NTRK2: variants seen among roughly 807,000 people sequenced by gnomAD.
NTRK2 encodes the protein BDNF/NT-3 growth factors receptor.
NTRK2 carries 13 observed loss-of-function variants against 94.5 expected under a neutral mutation model. The observed-to-expected ratio is 0.14, with a 90% CI of 0.09 to 0.22. The LOEUF is 0.22. Ranked by LOEUF, NTRK2 falls within the 10% of genes least tolerant of loss-of-function variation. NTRK2 has a pLI of 1.00. For synonymous variants in NTRK2, 372 were observed against 407.4 expected, an observed-to-expected ratio of 0.91 and a Z score of 1.05; for missense variants, 639 against 1,071.2, an observed-to-expected ratio of 0.60 and a Z score of 5.63.
intron 9 of NTRK2, among the ~76,000 whole-genome samples, chr9:84,731,210 A>G (rs2062868258): frequency 6.6e-6 from 1 of 152,174 alleles, no homozygotes; most frequent in Admixed American, 6.5e-5. Flanking sequence ...TGAAGTGGGC[A>G]GATCGCTTGA....
At chr9:84,997,463 G>A (rs1434756685) in intron 17 of NTRK2, among the ~76,000 whole-genome samples, 3 of 152,196 alleles carry the variant, frequency 2.0e-5, no homozygotes, top group Non-Finnish European at 4.4e-5. Context: ...AGGAAGTCTA[G>A]AGGACTAGTA....
At chr9:84,956,954 G>T (rs376277329) in intron 17 of NTRK2, among the ~76,000 whole-genome samples, 13 of 152,072 alleles carry the variant, frequency 8.5e-5, no homozygotes, top group African/African-American at 3.1e-4. Context: ...GTATTTGCAG[G>T]AGATGGGGGC....
At chr9:84,718,452 G>A (rs1386570805) in intron 6 of NTRK2, among the ~76,000 whole-genome samples, 1 of 152,078 alleles carries the variant, frequency 6.6e-6, no homozygotes, top group African/African-American at 2.4e-5. Flanking sequence ...GCTTTGGGAA[G>A]CTTTGGTGTA....
chr9:84,703,451 C>T (rs751261700), intron 4 of NTRK2, among the ~76,000 whole-genome samples: 1 of 152,194 alleles, frequency 6.6e-6, no homozygotes, highest in African/African-American at 2.4e-5. Context: ...CAACCCCTCT[C>T]CATGTTCTTA....
intron 15 of NTRK2, among the ~76,000 whole-genome samples, chr9:84,934,939 C>G (rs1044039892): frequency 6.6e-6 from 1 of 152,070 alleles, no homozygotes; most frequent in Admixed American, 6.6e-5. Context: ...TCCTGGTCTT[C>G]AATTAGATAA....
chr9:84,890,157 A>G (rs2132292318), intron 14 of NTRK2, among the ~76,000 whole-genome samples: 1 of 152,284 alleles, frequency 6.6e-6, no homozygotes, highest in East Asian at 1.9e-4. Flanking sequence ...GTCAGTAGCC[A>G]TCAGTCCTGC....
chr9:85,008,523 G>A (rs533911987), intron 17 of NTRK2, among the ~76,000 whole-genome samples: 2 of 152,330 alleles, frequency 1.3e-5, no homozygotes, highest in South Asian at 4.1e-4. Flanking sequence ...TTTATCACAT[G>A]TGGATTGGTT....
At chr9:84,713,988 A>C (rs535877856) in intron 6 of NTRK2, among the ~76,000 whole-genome samples, 1 of 150,854 alleles carries the variant, frequency 6.6e-6, no homozygotes, top group African/African-American at 2.4e-5. Flanking sequence ...TGCTCTATGT[A>C]TTCTTTCCAT....
chr9:84,954,964 C>T (rs1299770684), intron 16 of NTRK2, among the ~76,000 whole-genome samples: 1 of 152,192 alleles, frequency 6.6e-6, no homozygotes, highest in African/African-American at 2.4e-5. Flanking sequence ...GTGCCTGAAC[C>T]CAGCACAGTG....
At chr9:84,839,770 C>T (rs1390751383) in intron 12 of NTRK2, among the ~76,000 whole-genome samples, 1 of 152,184 alleles carries the variant, frequency 6.6e-6, no homozygotes, top group Non-Finnish European at 1.5e-5. Context: ...CCGCCTTCTC[C>T]CTAATCCCTG....
chr9:84,934,136 A>G lies in NTRK2; in HGVS notation c.1634-26A>G, dbSNP rs776415640. The G allele has an allele frequency of 3.4e-5, 55 of 1,613,244 alleles. 1 individual carries two copies. In the Admixed American group the frequency reaches 8.2e-4, roughly 24 times the overall value. On this transcript the variant is annotated intron_variant, in intron 14 of 18. Coordinates refer to ENST00000277120, the MANE Select transcript of NTRK2 (RefSeq NM_006180.6). Reference sequence around the variant, plus strand: ...TTCACCTCCACATGCTTCAATTCCAATTTCCATTCTGTCTTTGTTTTGCAG... The same window carrying G: ...TTCACCTCCACATGCTTCAATTCCAGTTTCCATTCTGTCTTTGTTTTGCAG...
rs887299353 is a variant in NTRK2, at chr9:85,024,126, A to T, written c.*2689A>T. On this transcript the variant is annotated 3_prime_UTR_variant, in exon 19 of 19. Transcript: ENST00000277120. ...GTTATTTTTATTGCTGATTATTACT[A>T]TTACTATCTCTGTTGTCTTAAGAGT... The T allele has an allele frequency of 4.3e-6, 1 of 230,884 alleles. No homozygotes were observed. Among genetic ancestry groups the T allele is most frequent in the Non-Finnish European group, 8.6e-6 (1 of 116,672 alleles). 14.3% of individuals were successfully genotyped at this position (230,884 alleles called of 1,614,324 possible). A position where few individuals can be genotyped will look rare whatever the true frequency, so the allele number is the denominator to read the frequency against.
chr9:85,021,807 G>A lies in NTRK2; in HGVS notation c.*370G>A, dbSNP rs1403481598. ...TGCATAGACAAAGGCCTTAACAAACGTAATTTGTTATATCAGCAGACACTC... is the reference window on the plus strand; with the variant it reads ...TGCATAGACAAAGGCCTTAACAAACATAATTTGTTATATCAGCAGACACTC... On this transcript the variant is annotated 3_prime_UTR_variant, in exon 19 of 19. Transcript: ENST00000277120. 6.4e-6 allele frequency: 2 copies of A among 312,312 alleles called. No homozygotes were observed. The highest frequency in any genetic ancestry group is 1.2e-5 in the Non-Finnish European group (2 of 167,414). The allele number at this position is 312,312 out of a possible 1,614,324, so 19.3% of individuals were successfully genotyped here. A position where few individuals can be genotyped will look rare whatever the true frequency, so the allele number is the denominator to read the frequency against.
rs752643542 is a variant in NTRK2, at chr9:84,955,274, C to T, written c.1938-9C>T. 2 of 1,589,190 alleles carry T rather than the reference C, an allele frequency of 1.3e-6. No individual in the cohort carries two copies. Among genetic ancestry groups the T allele is most frequent in the African/African-American group, 2.7e-5 (2 of 74,228 alleles). On this transcript the variant is annotated splice_polypyrimidine_tract_variant and intron_variant, in intron 16 of 18. Coordinates refer to ENST00000277120, the MANE Select transcript of NTRK2 (RefSeq NM_006180.6). ...GGCCCCCAGCTTCATTCTCCATGTCCTTCCCCAGGGCACACGGCCCTGATG... is the reference window on the plus strand; with the variant it reads ...GGCCCCCAGCTTCATTCTCCATGTCTTTCCCCAGGGCACACGGCCCTGATG...
chr9:84,793,384 C>T (rs188584880), intron 12 of NTRK2, among the ~76,000 whole-genome samples: 1 of 152,204 alleles, frequency 6.6e-6, no homozygotes, highest in East Asian at 1.9e-4. Context: ...TTGCTGTCGG[C>T]ATAACCTAAA....
chr9:85,004,033 G>GAAA (rs1830634034), intron 17 of NTRK2, among the ~76,000 whole-genome samples: 9 of 77,830 alleles, frequency 1.2e-4, no homozygotes, highest in Admixed American at 1.4e-4. Context: ...AAGAAAGAAA[G>GAAA]AGAGAAAGAA....
intron 17 of NTRK2, among the ~76,000 whole-genome samples, chr9:85,010,056 T>C (rs1165995794): frequency 6.6e-6 from 1 of 152,214 alleles, no homozygotes; most frequent in African/African-American, 2.4e-5. Context: ...CTCTCTCTAC[T>C]TGCTGGACAG....
intron 17 of NTRK2, among the ~76,000 whole-genome samples, chr9:84,990,260 T>A (rs1181914194): frequency 1.3e-5 from 2 of 152,208 alleles, no homozygotes; most frequent in African/African-American, 4.8e-5. Flanking sequence ...ATTTGTCAAA[T>A]GTCATGTTGA....
At chr9:84,906,669 C>T (rs1160385510) in intron 14 of NTRK2, among the ~76,000 whole-genome samples, 1 of 152,166 alleles carries the variant, frequency 6.6e-6, no homozygotes, top group Admixed American at 6.5e-5. Context: ...CTGTCCCTGC[C>T]TCTCAGAGCT....
Sources: allele counts gnomAD v4.1 joint callset (sites outside exome capture counted in the v4.1 genomes callset), GRCh38; gene constraint gnomAD v4.1.1; transcripts MANE v1.5; gene names NCBI Gene and HGNC (gene_info 2026-07-23, HGNC 2026-07-21).